The following BBS9 variants were observed in gnomAD, a reference collection of about 807,000 sequenced individuals.
The protein encoded by BBS9 is Bardet-Biedl syndrome 9, also known as protein PTHB1.
Under a neutral mutation model 117.7 loss-of-function variants are expected in BBS9, and 89 were observed. That is an observed-to-expected ratio of 0.76 (90% CI 0.64 to 0.90). The LOEUF is 0.90. BBS9 is among the 40% of genes least tolerant of loss of function. BBS9 has a pLI of 0.00. For synonymous variants in BBS9, 379 were observed against 370.9 expected, an observed-to-expected ratio of 1.02 and a Z score of -0.25; for missense variants, 982 against 1,042.2, an observed-to-expected ratio of 0.94 and a Z score of 0.80.
At chr7:33,497,655 G>A (rs1844913501) in intron 19 of BBS9, among the ~76,000 whole-genome samples, 1 of 152,174 alleles carries the variant, frequency 6.6e-6, no homozygotes, top group African/African-American at 2.4e-5. Flanking sequence ...AGGCAAAGTT[G>A]TATGTCTGTG....
intron 2 of BBS9, among the ~76,000 whole-genome samples, chr7:33,149,545 T>C (rs900867422): frequency 6.6e-6 from 1 of 152,170 alleles, no homozygotes; most frequent in Non-Finnish European, 1.5e-5. Context: ...TTCAGACTCT[T>C]GAGAGAGATA....
chr7:33,622,834 C>G (rs1379097884), intron 21 of BBS9, among the ~76,000 whole-genome samples: 1 of 152,130 alleles, frequency 6.6e-6, no homozygotes, highest in Non-Finnish European at 1.5e-5. Flanking sequence ...AAATAGTTTT[C>G]AATAAGTGTT....
intron 21 of BBS9, among the ~76,000 whole-genome samples, chr7:33,546,344 C>G (rs1456784725): frequency 6.6e-6 from 1 of 152,112 alleles, no homozygotes; most frequent in Non-Finnish European, 1.5e-5. Flanking sequence ...TAAACTGCTT[C>G]TGATATTGGT....
Position 33,245,779 on chromosome 7 carries a change from G to A in BBS9, c.443-11457G>A, listed in dbSNP as rs1396549888. ...TTGGAGCACTAACATATAAGAGACT[G>A]TGCTCAATGCTATGAGCTAGATAAT... is the stretch of plus-strand genomic sequence containing the variant. On this transcript the variant is annotated intron_variant, in intron 5 of 22. Transcript: ENST00000242067. Among the ~76,000 whole-genome samples the A allele has an allele frequency of 3.3e-5, 5 of 152,138 alleles. No individual in the cohort carries two copies. The East Asian group carries it at 9.6e-4, about 29-fold the overall frequency.
intron 5 of BBS9, among the ~76,000 whole-genome samples, chr7:33,229,535 A>G (rs1259699844): frequency 1.3e-5 from 2 of 152,042 alleles, no homozygotes; most frequent in African/African-American, 4.8e-5. Flanking sequence ...AATATCCTCC[A>G]TGTTGATCCA....
intron 19 of BBS9, among the ~76,000 whole-genome samples, chr7:33,433,969 T>G (rs993651584): frequency 2.0e-5 from 3 of 152,242 alleles, no homozygotes; most frequent in East Asian, 3.9e-4. Flanking sequence ...TGAATACTGA[T>G]TTTTAGCATT....
intron 9 of BBS9, among the ~76,000 whole-genome samples, chr7:33,320,345 T>C (rs1811434645): frequency 6.6e-6 from 1 of 152,220 alleles, no homozygotes; most frequent in Non-Finnish European, 1.5e-5. Context: ...ATGCAAACTT[T>C]GTCTTTCTGT....
intron 21 of BBS9, among the ~76,000 whole-genome samples, chr7:33,549,387 A>G (rs1853974952): frequency 1.4e-5 from 2 of 146,206 alleles, no homozygotes; most frequent in Non-Finnish European, 3.0e-5. Flanking sequence ...CATGTCCAAA[A>G]CACCAAAAGC....
At chr7:33,596,391 C>CTATCTATCTATCTATATATA (rs968148294) in intron 21 of BBS9, among the ~76,000 whole-genome samples, 1 of 150,410 alleles carries the variant, frequency 6.6e-6, no homozygotes, top group African/African-American at 2.5e-5. Context: ...ATCTATCTAT[C>CTATCTATCTATCTATATATA]TATATATAAT....
At chr7:33,236,557 C>T (rs1030567973) in intron 5 of BBS9, among the ~76,000 whole-genome samples, 1 of 151,808 alleles carries the variant, frequency 6.6e-6, no homozygotes, top group African/African-American at 2.4e-5. Context: ...ATATATAAAT[C>T]TACCTCATCA....
chr7:33,409,270 A>T (rs927583524), intron 19 of BBS9, among the ~76,000 whole-genome samples: 13 of 152,182 alleles, frequency 8.5e-5, no homozygotes, highest in African/African-American at 2.9e-4. Flanking sequence ...CTTTTCTTCT[A>T]GGATTTTTAT....
At chr7:33,405,270 A>G (rs1317119292) in intron 19 of BBS9, among the ~76,000 whole-genome samples, 2 of 152,124 alleles carry the variant, frequency 1.3e-5, no homozygotes, top group African/African-American at 4.8e-5. Context: ...AGGTTTTTGC[A>G]TCAATGTTCA....
At chr7:33,259,344 G>A (rs1317805833) in intron 6 of BBS9, among the ~76,000 whole-genome samples, 1 of 152,054 alleles carries the variant, frequency 6.6e-6, no homozygotes, top group Non-Finnish European at 1.5e-5. Context: ...AGTGTACGTA[G>A]GAGTCACCTG....
chr7:33,365,083 T>C (rs1381064497), intron 16 of BBS9, among the ~76,000 whole-genome samples: 1 of 151,740 alleles, frequency 6.6e-6, no homozygotes, highest in African/African-American at 2.4e-5. Flanking sequence ...TTGTTTCTCT[T>C]TTTTTTTCTT....
At chr7:33,188,441 C>A (rs550473492) in intron 5 of BBS9, among the ~76,000 whole-genome samples, 1 of 152,096 alleles carries the variant, frequency 6.6e-6, no homozygotes, top group Admixed American at 6.5e-5. Context: ...CAGTAAGGGA[C>A]AATTATTTTC....
At chr7:33,322,859 T>C (rs1812028313) in intron 9 of BBS9, among the ~76,000 whole-genome samples, 1 of 152,132 alleles carries the variant, frequency 6.6e-6, no homozygotes, top group African/African-American at 2.4e-5. Context: ...ACTTTTTAAC[T>C]GTAGATGCTT....
At chr7:33,616,681 G>A (rs964145870) in intron 21 of BBS9, among the ~76,000 whole-genome samples, 3 of 150,910 alleles carry the variant, frequency 2.0e-5, no homozygotes, top group Non-Finnish European at 4.4e-5. Context: ...GTCACTTTGG[G>A]TTTTTTTTCA....
At chr7:33,257,200 G>T in intron 5 of BBS9, 36 bp from the exon 6 acceptor site, 9 of 1,400,188 alleles carry the variant, frequency 6.4e-6, no homozygotes, top group Non-Finnish European at 8.9e-6. Flanking sequence ...TTTATAAAAA[G>T]AATAGATTAT....
intron 19 of BBS9, among the ~76,000 whole-genome samples, chr7:33,453,404 A>G (rs954466951): frequency 5.3e-5 from 8 of 152,192 alleles, no homozygotes; most frequent in African/African-American, 1.9e-4. Context: ...CCTCAGAGAC[A>G]GTAAAACCAG....
Sources: gnomAD v4.1 joint callset for allele counts (sites outside exome capture counted in the v4.1 genomes callset) on GRCh38, gnomAD v4.1.1 for gene constraint, MANE v1.5 for transcripts, NCBI Gene and HGNC (gene_info 2026-07-23, HGNC 2026-07-21) for gene names.